The following SPINK5 variants were observed in gnomAD, a reference collection of about 807,000 sequenced individuals.
The protein encoded by SPINK5 is serine protease inhibitor Kazal-type 5.
In SPINK5, 125 loss-of-function variants were observed where a neutral mutation model predicts 151.8. The observed-to-expected ratio is 0.82, with a 90% CI of 0.71 to 0.96. SPINK5 has a LOEUF of 0.96. Among genes scored for constraint, SPINK5 ranks in the 40% least tolerant of loss-of-function variants. SPINK5 has a pLI of 0.00. For missense variants in SPINK5, 1,194 were observed against 1,291.9 expected (o/e 0.92, Z 1.16); for synonymous variants, 374 against 395.3 (o/e 0.95, Z 0.64).
intron 32 of SPINK5, 59 bp from the exon 33 acceptor site, chr5:148,136,924 C>A: frequency 1.9e-6 from 3 of 1,599,954 alleles, no homozygotes; most frequent in Non-Finnish European, 1.7e-6. Flanking sequence ...AAATATACAG[C>A]CCACATTTCT....
chr5:148,104,131 T>C (rs777235242), intron 15 of SPINK5, among the ~76,000 whole-genome samples: 2 of 152,200 alleles, frequency 1.3e-5, no homozygotes, highest in African/African-American at 4.8e-5. Context: ...CTAATTGCTT[T>C]ACATGTAGCA....
At position 148,111,293 on chromosome 5, in the gene SPINK5, C is replaced by T. The variant is rs576821190; in HGVS notation, c.1693-475C>T. Among the ~76,000 whole-genome samples, 7 of 152,208 alleles carry T rather than the reference C, an allele frequency of 4.6e-5. No homozygotes were observed. In the East Asian group the frequency reaches 1.4e-3, roughly 29 times the overall value. On this transcript the variant is annotated intron_variant, in intron 18 of 32. Coordinates refer to ENST00000256084, the MANE Select transcript of SPINK5 (RefSeq NM_006846.4). ...CATCTCGCTCTTGCAGTTTTAAGGA[C>T]TGATCCTTGTGATTGAGCCTTACAC...
At chr5:148,080,562 A>C (rs1440299143) in intron 4 of SPINK5, among the ~76,000 whole-genome samples, 1 of 151,412 alleles carries the variant, frequency 6.6e-6, no homozygotes, top group Non-Finnish European at 1.5e-5. Context: ...TTTAACCAAC[A>C]TGTCAAGGTA....
chr5:148,091,083 A>G, intron 7 of SPINK5, 82 bp from the exon 8 acceptor site: 1 of 1,159,426 alleles, frequency 8.6e-7, no homozygotes, highest in Non-Finnish European at 1.3e-6. Context: ...AGCAGAGGAT[A>G]TGAAAGTGTT....
chr5:148,112,427 C>A (rs11168025), intron 19 of SPINK5, among the ~76,000 whole-genome samples: 67,227 of 151,546 alleles, frequency 0.44, 16,219 homozygotes, highest in Admixed American at 0.58. Flanking sequence ...GTAATTCTAG[C>A]ACTTTGGGAG....
intron 19 of SPINK5, 34 bp downstream of exon 19, chr5:148,111,929 G>A (rs1243436361): frequency 1.9e-6 from 3 of 1,613,670 alleles, no homozygotes; most frequent in African/African-American, 2.7e-5. Flanking sequence ...GCTACTGAGT[G>A]TGGGAGAAGA....
At chr5:148,096,001 A>G (rs1470143484) in intron 10 of SPINK5, 96 bp downstream of exon 10, 11 of 944,210 alleles carry the variant, frequency 1.2e-5, no homozygotes, top group Non-Finnish European at 1.9e-5. Context: ...CACTTTCAAT[A>G]TTGTTTAATA....
intron 10 of SPINK5, among the ~76,000 whole-genome samples, chr5:148,096,397 C>T (rs11955201): frequency 0.46 from 70,353 of 151,696 alleles, 17,078 homozygotes; most frequent in Admixed American, 0.59. Flanking sequence ...TTTGCATTGA[C>T]GTATTGGCAT....
At chr5:148,111,930 T>G in intron 19 of SPINK5, 35 bp downstream of exon 19, 1 of 1,613,754 alleles carries the variant, frequency 6.2e-7, no homozygotes, top group Non-Finnish European at 8.5e-7. Context: ...CTACTGAGTG[T>G]GGGAGAAGAT....
In SPINK5 at chr5:148,120,308, G is replaced by A; in HGVS notation, c.2455G>A (p.Ala819Thr). 1 of 1,604,758 alleles carries A rather than the reference G, an allele frequency of 6.2e-7. No individual in the cohort carries two copies. The highest frequency in any genetic ancestry group is 8.5e-7 in the Non-Finnish European group (1 of 1,175,056). Residue 819 changes from alanine (A) to threonine (T), a missense_variant, in exon 26 of 33, where the codon GCT becomes ACT. Physicochemically the swap from Ala to Thr is moderately conservative, Grantham distance 58. Coordinates refer to ENST00000256084, the MANE Select transcript of SPINK5 (RefSeq NM_006846.4). ...MCKEKLEREA[A>T]EKKKKEDEDR... is the part of the protein sequence containing the mutation. ...TTTTCCCCCCAGGGAAAGGGAAGCA[G>A]CTGAAAAAAAAAAGAAAGAGGATGA...
intron 4 of SPINK5, among the ~76,000 whole-genome samples, chr5:148,081,006 G>A (rs1753004896): frequency 6.6e-6 from 1 of 151,514 alleles, no homozygotes; most frequent in Non-Finnish European, 1.5e-5. Flanking sequence ...TGGCTAATAA[G>A]CACACAACAA....
At chr5:148,109,869 G>C (rs569265824) in intron 18 of SPINK5, among the ~76,000 whole-genome samples, 29 of 152,240 alleles carry the variant, frequency 1.9e-4, no homozygotes, top group Non-Finnish European at 2.8e-4. Flanking sequence ...TGTAGTGTCT[G>C]GAAGTGCCAT....
At chr5:148,064,467 T>G (rs560190106) in intron 1 of SPINK5, among the ~76,000 whole-genome samples, 26 of 152,284 alleles carry the variant, frequency 1.7e-4, no homozygotes, top group Non-Finnish European at 2.9e-4. Flanking sequence ...AAATAATATA[T>G]GTATTTTAAT....
chr5:148,072,756 A>G (rs971255702), intron 4 of SPINK5, among the ~76,000 whole-genome samples: 1 of 151,550 alleles, frequency 6.6e-6, no homozygotes, highest in South Asian at 2.1e-4. Context: ...TTTACTGTAT[A>G]TGTTCCAGTA....
At chr5:148,094,289 T>A (rs1339737636) in intron 8 of SPINK5, 65 bp from the exon 9 acceptor site, 2 of 1,586,148 alleles carry the variant, frequency 1.3e-6, no homozygotes, top group Non-Finnish European at 1.7e-6. Context: ...AGCAAAATCC[T>A]GTCTCAAAAA....
At chr5:148,094,081 G>T (rs1753387157) in intron 8 of SPINK5, among the ~76,000 whole-genome samples, 1 of 151,914 alleles carries the variant, frequency 6.6e-6, no homozygotes, top group East Asian at 1.9e-4. Context: ...GATTACTTGA[G>T]CCAAGGAATT....
intron 20 of SPINK5, 94 bp from the exon 21 acceptor site, chr5:148,114,268 C>T (rs531536632): frequency 8.5e-6 from 11 of 1,296,488 alleles, no homozygotes; most frequent in South Asian, 2.7e-5. Context: ...CATTTTCTCT[C>T]TCTTTTTTTT....
intron 4 of SPINK5, among the ~76,000 whole-genome samples, chr5:148,076,602 G>A (rs1352030757): frequency 6.6e-6 from 1 of 151,730 alleles, no homozygotes; most frequent in East Asian, 2.0e-4. Context: ...AATAATTAAT[G>A]GAGTTTGTCT....
At chr5:148,072,619 T>A (rs965903904) in intron 4 of SPINK5, among the ~76,000 whole-genome samples, 8 of 152,044 alleles carry the variant, frequency 5.3e-5, no homozygotes, top group Non-Finnish European at 1.2e-4. Flanking sequence ...TGGATCTCAA[T>A]GTTTTCATCT....
Sources: allele counts gnomAD v4.1 joint callset (sites outside exome capture counted in the v4.1 genomes callset), GRCh38; gene constraint gnomAD v4.1.1; transcripts MANE v1.5; gene names NCBI Gene and HGNC (gene_info 2026-07-23, HGNC 2026-07-21).